Variants in DHRS4 observed in about 807,000 individuals in gnomAD.
DHRS4 encodes dehydrogenase/reductase SDR family member 4.
Under a neutral mutation model 28.4 loss-of-function variants are expected in DHRS4, and 20 were observed. The observed-to-expected ratio is 0.71, with a 90% CI of 0.50 to 1.02. The LOEUF (loss-of-function observed/expected upper bound fraction) is 1.02. DHRS4 is among the 50% of genes least tolerant of loss of function. The probability of loss-of-function intolerance (pLI) is 0.00; values close to 1 mark genes in which losing one functional copy is unlikely to be tolerated. For missense variants in DHRS4, 378 were observed against 367.2 expected (o/e 1.03, Z -0.24); for synonymous variants, 144 against 146.4 (o/e 0.98, Z 0.12).
At chr14:23,958,501 G>C (rs552545155) in intron 2 of DHRS4, among the ~76,000 whole-genome samples, 50 of 152,196 alleles carry the variant, frequency 3.3e-4, no homozygotes, top group South Asian at 1.7e-3. Flanking sequence ...CTCTAGCACA[G>C]GCCTCACTAT....
chr14:23,959,679 A>G (rs1426742353), intron 2 of DHRS4, among the ~76,000 whole-genome samples: 1 of 151,384 alleles, frequency 6.6e-6, no homozygotes, highest in Non-Finnish European at 1.5e-5. Flanking sequence ...TTTTGTTGTC[A>G]TTGTTGTTGT....
intron 2 of DHRS4, among the ~76,000 whole-genome samples, chr14:23,957,192 AC>A: frequency 6.6e-6 from 1 of 152,282 alleles, no homozygotes; most frequent in Non-Finnish European, 1.5e-5. Context: ...AGATTTTCCA[AC>A]CCCATGTCAA....
chr14:23,966,931 A>C, intron 6 of DHRS4, among the ~76,000 whole-genome samples: 1 of 152,236 alleles, frequency 6.6e-6, no homozygotes, highest in Non-Finnish European at 1.5e-5. Context: ...CGAGGCGGGC[A>C]GATCACGAGG....
At chr14:23,955,445 G>C (rs1406837201) in intron 2 of DHRS4, among the ~76,000 whole-genome samples, 1 of 152,120 alleles carries the variant, frequency 6.6e-6, no homozygotes, top group African/African-American at 2.4e-5. Flanking sequence ...TACTGGTTCT[G>C]CAGTAATTTT....
chr14:23,963,994 C>T (rs576199061), intron 3 of DHRS4, among the ~76,000 whole-genome samples: 8 of 151,238 alleles, frequency 5.3e-5, no homozygotes, highest in Admixed American at 3.9e-4. Context: ...CAACATTTTT[C>T]GATTAAGTTG....
Position 23,965,876 on chromosome 14 carries a change from C to T in DHRS4, c.479+44C>T, listed in dbSNP as rs751394078. The T allele has an allele frequency of 1.0e-4, 162 of 1,606,558 alleles. 6 individuals are homozygous for T. Among genetic ancestry groups the T allele is most frequent in the Non-Finnish European group, 1.3e-4 (154 of 1,176,216 alleles). ...AGCCTGGGTGAGAGGGGACACCACA[C>T]GGGCTGAGGGCACTGGTCCACAATG... On this transcript the variant is annotated intron_variant, in intron 4 of 7. Coordinates refer to ENST00000313250, the MANE Select transcript of DHRS4 (RefSeq NM_021004.4).
Position 23,959,934 on chromosome 14 carries a change from A to C in DHRS4, c.339A>C (p.Leu113=). 1 of 1,611,282 alleles carries C rather than the reference A, an allele frequency of 6.2e-7. No individual in the cohort carries two copies. The highest frequency in any genetic ancestry group is 8.5e-7 in the Non-Finnish European group (1 of 1,179,842). Residue 113 remains leucine (L), a synonymous_variant, in exon 3 of 8, where the codon CTA becomes CTC. Transcript: ENST00000313250. ...AGCTTCATGGAGGTATCGATATCCT[A>C]GTCTCCAATGCTGCTGTCAACCCTT... ...AVKLHGGIDI[L]VSNAAVNPFF...
intron 2 of DHRS4, among the ~76,000 whole-genome samples, chr14:23,955,428 C>G (rs1317841238): frequency 1.3e-5 from 2 of 152,142 alleles, no homozygotes; most frequent in African/African-American, 2.4e-5. Flanking sequence ...CCCAAAGAAA[C>G]AGCTGGTACT....
At chr14:23,965,573 G>C (rs543488152) in intron 3 of DHRS4, among the ~76,000 whole-genome samples, 189 bp from the exon 4 acceptor site, 8 of 148,024 alleles carry the variant, frequency 5.4e-5, no homozygotes, top group Admixed American at 4.1e-4. Flanking sequence ...TCAATATCTA[G>C]CTGAGCAGCT....
At chr14:23,965,883 A>T (rs780891762) in intron 4 of DHRS4, 49 bp from the exon 5 acceptor site, 1 of 1,606,576 alleles carries the variant, frequency 6.2e-7, no homozygotes, top group African/African-American at 1.4e-5. Context: ...ACACGGGCTG[A>T]GGGCACTGGT....
In DHRS4 at chr14:23,968,843, T is replaced by A; in HGVS notation, c.809T>A (p.Val270Glu). 2 of 1,610,332 alleles carry A rather than the reference T, an allele frequency of 1.2e-6. No individual in the cohort carries two copies. The highest frequency in any genetic ancestry group is 3.3e-5 in the Admixed American group (2 of 59,794). Reference sequence around the variant, plus strand: ...TACATCACTGGGGAAACAGTGGTGGTGGGTGGAGGAACCCCGTCCCGCCTC... The same window carrying A: ...TACATCACTGGGGAAACAGTGGTGGAGGGTGGAGGAACCCCGTCCCGCCTC... The part of the protein sequence containing the change: ...ASYITGETVV[V>E]GGGTPSRL The change falls in exon 8 of 8, where the codon GTG becomes GAG. Residue 270 changes from valine (V) to glutamate (E), a missense_variant. Transcript: ENST00000313250.
At chr14:23,965,543 G>C (rs1263102968) in intron 3 of DHRS4, among the ~76,000 whole-genome samples, 1 of 146,556 alleles carries the variant, frequency 6.8e-6, no homozygotes. Context: ...CTCCATTTTT[G>C]CTCACCTGAA....
chr14:23,967,296 G>C, intron 7 of DHRS4, 30 bp downstream of exon 7: 1 of 1,605,772 alleles, frequency 6.2e-7, no homozygotes. Context: ...AGGGCACTAA[G>C]AGACATGAAG....
At chr14:23,954,677 G>C (rs2033021524) in intron 1 of DHRS4, among the ~76,000 whole-genome samples, 1 of 152,222 alleles carries the variant, frequency 6.6e-6, no homozygotes. Context: ...AAACCTGGGG[G>C]CAGGGCTGTT....
Position 23,965,988 on chromosome 14 carries a change from G to A in DHRS4, c.531+5G>A. ...GCAGCCTTCAGTCCATCTCCTGTAAGAACCCTTTTGTCTACCTCTTCCATC... is the reference window on the plus strand; with the variant it reads ...GCAGCCTTCAGTCCATCTCCTGTAAAAACCCTTTTGTCTACCTCTTCCATC... On this transcript the variant is annotated splice_donor_5th_base_variant and intron_variant, in intron 5 of 7. Coordinates refer to ENST00000313250, the MANE Select transcript of DHRS4 (RefSeq NM_021004.4). 6.2e-7 allele frequency: 1 copy of A among 1,610,326 alleles called. No homozygotes were observed. The highest frequency in any genetic ancestry group is 8.5e-7 in the Non-Finnish European group (1 of 1,177,556).
chr14:23,958,766 C>G (rs2033277623), intron 2 of DHRS4, among the ~76,000 whole-genome samples: 1 of 152,292 alleles, frequency 6.6e-6, no homozygotes, highest in African/African-American at 2.4e-5. Flanking sequence ...TAGCTCTGTG[C>G]TACAAAGTGG....
chr14:23,955,784 T>C (rs116635822), intron 2 of DHRS4, among the ~76,000 whole-genome samples: 1,746 of 152,336 alleles, frequency 0.011, 35 homozygotes, highest in African/African-American at 0.04. Context: ...CCTTCCTTTA[T>C]TGGCTGCCTG....
intron 1 of DHRS4, chr14:23,954,264 T>C: frequency 4.3e-6 from 1 of 232,234 alleles, no homozygotes; most frequent in Non-Finnish European, 8.6e-6. Context: ...GATTTCAAAA[T>C]ACTATCCCAC....
chr14:23,959,678 C>T (rs1317585178), intron 2 of DHRS4, among the ~76,000 whole-genome samples: 1 of 151,478 alleles, frequency 6.6e-6, no homozygotes, highest in Non-Finnish European at 1.5e-5. Context: ...ATTTTGTTGT[C>T]ATTGTTGTTG....
Sources: allele counts gnomAD v4.1 joint callset (sites outside exome capture counted in the v4.1 genomes callset), GRCh38; gene constraint gnomAD v4.1.1; transcripts MANE v1.5; gene names NCBI Gene and HGNC (gene_info 2026-07-23, HGNC 2026-07-21).